Variants in BNC2 observed in about 807,000 individuals in gnomAD.
BNC2 encodes zinc finger protein basonuclin-2.
A neutral mutation model predicts 76.3 loss-of-function variants in BNC2; 20 were observed. That is an observed-to-expected ratio of 0.26 (90% confidence interval 0.18 to 0.38). The LOEUF (loss-of-function observed/expected upper bound fraction) is 0.38. Among genes scored for constraint, BNC2 ranks in the 10% least tolerant of loss-of-function variants. The probability of loss-of-function intolerance (pLI) is 1.00; values close to 1 mark genes in which losing one functional copy is unlikely to be tolerated. For missense variants in BNC2, 1,382 were observed against 1,399.8 expected, an observed-to-expected ratio of 0.99 and a Z score of 0.20; for synonymous variants, 582 against 514.8, an observed-to-expected ratio of 1.13 and a Z score of -1.77.
At chr9:16,493,923 T>C (rs1822330598) in intron 5 of BNC2, among the ~76,000 whole-genome samples, 1 of 152,086 alleles carries the variant, frequency 6.6e-6, no homozygotes, top group South Asian at 2.1e-4. Flanking sequence ...ATGTAGGACA[T>C]GAAGAAGTCT....
At chr9:16,737,233 C>A (rs1824698862) in intron 2 of BNC2, among the ~76,000 whole-genome samples, 1 of 147,250 alleles carries the variant, frequency 6.8e-6, no homozygotes, top group South Asian at 2.2e-4. Flanking sequence ...GCCACCACAC[C>A]TGGCCTTTTT....
chr9:16,562,097 A>T (rs1322920120), intron 4 of BNC2, among the ~76,000 whole-genome samples: 1 of 152,182 alleles, frequency 6.6e-6, no homozygotes, highest in Non-Finnish European at 1.5e-5. Flanking sequence ...CTCATACAGG[A>T]TTTAGGACTA....
chr9:16,793,899 T>C (rs963696411), intron 1 of BNC2, among the ~76,000 whole-genome samples: 12 of 147,048 alleles, frequency 8.2e-5, no homozygotes, highest in African/African-American at 3.0e-4. Context: ...AGACGGAGTT[T>C]CACCGTGTTA....
chr9:16,412,758 AGAGAGAGACT>A lies in BNC2; in HGVS notation c.*6221_*6230del, dbSNP rs1454059093. On this transcript the variant is annotated 3_prime_UTR_variant, in exon 7 of 7. Transcript: ENST00000380672. ...GAGAGAGAGAGAGAGAGAGAGAGAGAGAGAGAGACTGACTGATTGTGGATGTGTGTGTACA... is the reference window on the plus strand; with the variant it reads ...GAGAGAGAGAGAGAGAGAGAGAGAGAGACTGATTGTGGATGTGTGTGTACA... 7.8e-6 allele frequency: 1 copy of A among 127,810 alleles called. No individual in the cohort carries two copies. Among genetic ancestry groups the A allele is most frequent in the Non-Finnish European group, 1.6e-5 (1 of 61,694 alleles). The allele number at this position is 127,810 out of a possible 1,614,324, so 7.9% of individuals were successfully genotyped here.
chr9:16,751,662 GTATGTATGTGTA>G (rs1825208871), intron 1 of BNC2, among the ~76,000 whole-genome samples: 21 of 83,146 alleles, frequency 2.5e-4, no homozygotes, highest in Non-Finnish European at 5.8e-4. Flanking sequence ...ATATATATAT[GTATGTATGTGTA>G]TATATATATG....
intron 1 of BNC2, among the ~76,000 whole-genome samples, chr9:16,813,476 A>G (rs1029054590): frequency 2.6e-5 from 4 of 151,986 alleles, no homozygotes; most frequent in African/African-American, 9.7e-5. Context: ...CGTGTTAGCC[A>G]GGATGGACTC....
At chr9:16,740,161 C>G (rs891132086) in intron 1 of BNC2, among the ~76,000 whole-genome samples, 1 of 152,132 alleles carries the variant, frequency 6.6e-6, no homozygotes, top group Admixed American at 6.6e-5. Flanking sequence ...AGATAGGATG[C>G]TTGAGAGTTT....
rs142659728 is a variant in BNC2, at chr9:16,592,319, T to C, written c.331-9234A>G. Among the ~76,000 whole-genome samples, 250 of 152,206 alleles carry C rather than the reference T, an allele frequency of 1.6e-3. 2 individuals are homozygous for C. The highest frequency in any genetic ancestry group is 5.7e-3 in the African/African-American group (237 of 41,532). ...TCCACTGACAAATGGATAAACAAAA[T>C]TCAGTATATTAATATAATGAAATTT... On this transcript the variant is annotated intron_variant, in intron 3 of 6. Coordinates refer to ENST00000380672, the MANE Select transcript of BNC2 (RefSeq NM_017637.6).
At chr9:16,748,696 A>C (rs2135247927) in intron 1 of BNC2, among the ~76,000 whole-genome samples, 1 of 151,672 alleles carries the variant, frequency 6.6e-6, no homozygotes, top group South Asian at 2.1e-4. Flanking sequence ...TACAAAAATT[A>C]GCCAGGCATG....
chr9:16,459,809 T>C (rs959997960), intron 5 of BNC2, among the ~76,000 whole-genome samples: 10 of 152,270 alleles, frequency 6.6e-5, no homozygotes, highest in African/African-American at 2.2e-4. Context: ...AAAAAAACCA[T>C]AGTAAATGCA....
At chr9:16,672,583 C>T (rs559888315) in intron 3 of BNC2, among the ~76,000 whole-genome samples, 40 of 152,296 alleles carry the variant, frequency 2.6e-4, no homozygotes, top group African/African-American at 8.4e-4. Flanking sequence ...ATCATAATTA[C>T]GATTTTATCG....
intron 3 of BNC2, among the ~76,000 whole-genome samples, chr9:16,673,204 AAC>A (rs1471219043): frequency 6.6e-6 from 1 of 152,152 alleles, no homozygotes; most frequent in Non-Finnish European, 1.5e-5. Flanking sequence ...AAGGGAGAAA[AAC>A]CTTTGTTTAT....
At chr9:16,855,832 G>T (rs1819241241) in intron 1 of BNC2, among the ~76,000 whole-genome samples, 2 of 152,090 alleles carry the variant, frequency 1.3e-5, no homozygotes, top group South Asian at 4.1e-4. Context: ...ACAGGCGTGA[G>T]CCACCACACC....
chr9:16,610,477 T>C (rs1035344314), intron 3 of BNC2, among the ~76,000 whole-genome samples: 1 of 152,174 alleles, frequency 6.6e-6, no homozygotes, highest in Admixed American at 6.6e-5. Flanking sequence ...TGACAAAATA[T>C]TTAAATTACT....
intron 3 of BNC2, among the ~76,000 whole-genome samples, chr9:16,654,061 T>G (rs1821863357): frequency 6.6e-6 from 1 of 152,050 alleles, no homozygotes; most frequent in Non-Finnish European, 1.5e-5. Flanking sequence ...CTGCACAGAG[T>G]GATCTGGGCT....
intron 4 of BNC2, among the ~76,000 whole-genome samples, chr9:16,572,999 G>A (rs764397784): frequency 2.6e-5 from 4 of 151,984 alleles, no homozygotes; most frequent in Admixed American, 6.6e-5. Context: ...GAGCCAGTGC[G>A]GGAAGATCAT....
chr9:16,511,169 G>C (rs1052170498), intron 5 of BNC2, among the ~76,000 whole-genome samples: 1 of 148,796 alleles, frequency 6.7e-6, no homozygotes, highest in Non-Finnish European at 1.5e-5. Context: ...GAGTGCAGTG[G>C]TGCGATCATA....
chr9:16,741,230 G>A (rs1824840730), intron 1 of BNC2, among the ~76,000 whole-genome samples: 1 of 152,110 alleles, frequency 6.6e-6, no homozygotes, highest in Non-Finnish European at 1.5e-5. Context: ...GAGGTGGGCG[G>A]ATCACCTGAG....
intron 3 of BNC2, among the ~76,000 whole-genome samples, chr9:16,610,495 A>T (rs1820514263): frequency 6.6e-6 from 1 of 152,224 alleles, no homozygotes; most frequent in South Asian, 2.1e-4. Context: ...ACTATAATTT[A>T]TCAGGGTTAT....
Sources: allele counts gnomAD v4.1 joint callset (sites outside exome capture counted in the v4.1 genomes callset), GRCh38; gene constraint gnomAD v4.1.1; transcripts MANE v1.5; gene names NCBI Gene and HGNC (gene_info 2026-07-23, HGNC 2026-07-21).